Variants in AZIN1 observed in about 807,000 individuals in gnomAD.
The protein encoded by AZIN1 is ornithine decarboxylase antizyme inhibitor.
A neutral mutation model predicts 47.4 loss-of-function variants in AZIN1; 12 were observed. The ratio of observed to expected loss-of-function variants is 0.25; its 90% CI spans 0.16 to 0.41. The LOEUF is 0.41. Among genes scored for constraint, AZIN1 ranks in the 10% least tolerant of loss-of-function variants. The pLI, the probability that AZIN1 is intolerant of heterozygous loss-of-function variation, is 1.00. For missense variants in AZIN1, 410 were observed against 532.4 expected, an observed-to-expected ratio of 0.77 and a Z score of 2.26; for synonymous variants, 155 against 176.3, an observed-to-expected ratio of 0.88 and a Z score of 0.96.
At chr8:102,843,218 A>G (rs1445712093) in intron 3 of AZIN1, among the ~76,000 whole-genome samples, 3 of 152,020 alleles carry the variant, frequency 2.0e-5, no homozygotes, top group African/African-American at 4.8e-5. Flanking sequence ...AAAAAAAAAA[A>G]AAAAAGAAAA....
At chr8:102,832,271 T>C (rs1811509671) in intron 9 of AZIN1, among the ~76,000 whole-genome samples, 1 of 152,012 alleles carries the variant, frequency 6.6e-6, no homozygotes. Context: ...AAAGACAATA[T>C]TGGGGAAATG....
intron 1 of AZIN1, among the ~76,000 whole-genome samples, chr8:102,863,118 C>T (rs566398197): frequency 1.3e-5 from 2 of 152,344 alleles, no homozygotes; most frequent in South Asian, 4.1e-4. Flanking sequence ...TCGAGGCTTC[C>T]AGAAGGGGCC....
intron 2 of AZIN1, among the ~76,000 whole-genome samples, chr8:102,853,521 TG>T (rs1264586313): frequency 6.6e-6 from 1 of 152,166 alleles, no homozygotes; most frequent in African/African-American, 2.4e-5. Flanking sequence ...AAGAAAAAAC[TG>T]GTCTACGTTG....
intron 2 of AZIN1, among the ~76,000 whole-genome samples, chr8:102,844,325 A>T (rs1387509927): frequency 6.6e-6 from 1 of 151,386 alleles, no homozygotes; most frequent in Non-Finnish European, 1.5e-5. Context: ...TGGACAACAT[A>T]GCAAGACTCC....
rs1361813836 is a variant in AZIN1 at position 102,827,888 on chromosome 8, AAACTT to A, written c.*674_*678del. On this transcript the variant is annotated 3_prime_UTR_variant, in exon 12 of 12. Transcript: ENST00000337198. ...AATGAAAAATGCACCGAGCCAAACA[AAACTT>A]AACTGGGCTATAAAGAAAAAAACCC... 6.6e-6 allele frequency: 1 copy of A among 152,558 alleles called. No homozygotes were observed. The highest frequency in any genetic ancestry group is 1.9e-4 in the East Asian group (1 of 5,202). 9.5% of individuals were successfully genotyped at this position (152,558 alleles called of 1,614,324 possible).
intron 2 of AZIN1, chr8:102,856,093 GTTTTTT>G (rs76088631): frequency 7.5e-6 from 1 of 133,606 alleles, no homozygotes; most frequent in Non-Finnish European, 1.6e-5. Context: ...AGTTTTTTTT[GTTTTTT>G]TTTTTTTTTC....
In AZIN1 at chr8:102,828,311, ATATTT is replaced by A. The variant is rs561375734; in HGVS notation, c.*251_*255del. On this transcript the variant is annotated 3_prime_UTR_variant, in exon 12 of 12. Coordinates refer to ENST00000337198, the MANE Select transcript of AZIN1 (RefSeq NM_148174.4). ...TCCACTAAGTCATCCATTTTGTTGC[ATATTT>A]TATTTTAAACGCTTAAGGGGTAGGA... is the stretch of plus-strand genomic sequence containing the variant. The A allele has an allele frequency of 3.4e-3, 976 of 284,942 alleles. 3 individuals are homozygous for A. Among genetic ancestry groups the A allele is most frequent in the Middle Eastern group, 7.0e-3 (7 of 996 alleles). The allele number at this position is 284,942 out of a possible 1,614,324, so 17.7% of individuals were successfully genotyped here.
intron 9 of AZIN1, among the ~76,000 whole-genome samples, chr8:102,831,276 G>A (rs1461290983): frequency 6.6e-6 from 1 of 151,858 alleles, no homozygotes; most frequent in East Asian, 1.9e-4. Flanking sequence ...GGAAGGAAAA[G>A]ATATTCTTTA....
At chr8:102,829,588 T>C (rs957992877) in intron 10 of AZIN1, 102 bp from the exon 11 acceptor site, 29 of 1,164,362 alleles carry the variant, frequency 2.5e-5, no homozygotes, top group Non-Finnish European at 3.4e-5. Flanking sequence ...AATGTGCTCA[T>C]GGAAAAAAGG....
intron 1 of AZIN1, among the ~76,000 whole-genome samples, chr8:102,860,960 A>T (rs1813608738): frequency 6.6e-6 from 1 of 152,222 alleles, no homozygotes; most frequent in Non-Finnish European, 1.5e-5. Flanking sequence ...ACTGTCACAA[A>T]CCAAAGAAAA....
At chr8:102,834,087 G>C (rs1811656472) in intron 8 of AZIN1, 102 bp downstream of exon 8, 1 of 867,522 alleles carries the variant, frequency 1.2e-6, no homozygotes, top group East Asian at 2.5e-5. Flanking sequence ...AGATGTTATA[G>C]GGTTTAGTTT....
In AZIN1 at chr8:102,834,133, A is replaced by C; in HGVS notation, c.741+56T>G. 2.8e-6 allele frequency: 4 copies of C among 1,414,996 alleles called. No homozygotes were observed. The South Asian group carries it at 4.7e-5, about 17-fold the overall frequency. 87.7% of individuals were successfully genotyped at this position (1,414,996 alleles called of 1,614,324 possible). A position where few individuals can be genotyped will look rare whatever the true frequency, so the allele number is the denominator to read the frequency against. On this transcript the variant is annotated intron_variant, in intron 8 of 11. Transcript: ENST00000337198. ...AAAAATCCTGCTCTACACATCCACCACTTAAGTAACAAAGAAAGCAATTAT... is the reference window on the plus strand; with the variant it reads ...AAAAATCCTGCTCTACACATCCACCCCTTAAGTAACAAAGAAAGCAATTAT...
chr8:102,853,742 C>T (rs556508418), intron 2 of AZIN1, among the ~76,000 whole-genome samples: 163 of 152,058 alleles, frequency 1.1e-3, no homozygotes, highest in Middle Eastern at 3.4e-3. Flanking sequence ...TGTATTTCAA[C>T]GATAGTGGTT....
At chr8:102,850,577 T>C (rs776622496) in intron 2 of AZIN1, among the ~76,000 whole-genome samples, 4 of 152,162 alleles carry the variant, frequency 2.6e-5, no homozygotes, top group Non-Finnish European at 5.9e-5. Flanking sequence ...ATACTGAAAC[T>C]GGTAGGAAAT....
At chr8:102,852,697 T>A (rs532587387) in intron 2 of AZIN1, among the ~76,000 whole-genome samples, 31 of 152,292 alleles carry the variant, frequency 2.0e-4, no homozygotes, top group Middle Eastern at 3.4e-3. Flanking sequence ...ACTATCCTAA[T>A]CCCCGTAACC....
chr8:102,829,683 A>G (rs1055510566), intron 10 of AZIN1, 138 bp downstream of exon 10: 5 of 825,892 alleles, frequency 6.1e-6, no homozygotes, highest in Non-Finnish European at 9.8e-6. Context: ...AAGGGACTCC[A>G]CCAGAAGAAC....
intron 8 of AZIN1, among the ~76,000 whole-genome samples, chr8:102,833,472 GTTTTTT>G (rs3214632): frequency 6.7e-6 from 1 of 150,270 alleles, no homozygotes; most frequent in East Asian, 2.0e-4. Context: ...ATTTGTTTTT[GTTTTTT>G]TTTAAGTCAT....
chr8:102,861,798 T>C (rs981701668), intron 1 of AZIN1, among the ~76,000 whole-genome samples: 1 of 151,530 alleles, frequency 6.6e-6, no homozygotes, highest in African/African-American at 2.4e-5. Flanking sequence ...ATCCCAGCAC[T>C]CTGGGAGGCC....
intron 5 of AZIN1, among the ~76,000 whole-genome samples, chr8:102,836,892 C>T (rs1388640054): frequency 6.6e-6 from 1 of 152,100 alleles, no homozygotes; most frequent in Non-Finnish European, 1.5e-5. Context: ...AAATAGGAAG[C>T]ATTTTTTAAA....
Sources: allele counts gnomAD v4.1 joint callset (sites outside exome capture counted in the v4.1 genomes callset), GRCh38; gene constraint gnomAD v4.1.1; transcripts MANE v1.5; gene names NCBI Gene and HGNC (gene_info 2026-07-23, HGNC 2026-07-21).